The following SLC35F3 variants were observed in gnomAD, a reference collection of about 807,000 sequenced individuals.
SLC35F3 encodes the protein solute carrier family 35 member F3.
SLC35F3 carries 25 observed loss-of-function variants against 49.9 expected under a neutral mutation model. The observed-to-expected ratio is 0.50, with a 90% CI of 0.37 to 0.70. The LOEUF is 0.70. SLC35F3 is among the 30% of genes least tolerant of loss of function. The pLI is 0.00. For missense variants in SLC35F3, 525 were observed against 639.8 expected (o/e 0.82, Z 1.94); for synonymous variants, 275 against 265.4 (o/e 1.04, Z -0.35).
At chr1:234,006,274 G>A (rs1663629570) in intron 2 of SLC35F3, among the ~76,000 whole-genome samples, 2 of 152,096 alleles carry the variant, frequency 1.3e-5, no homozygotes, top group African/African-American at 4.8e-5. Flanking sequence ...TATGAACCAA[G>A]CCACGTAAGT....
intron 2 of SLC35F3, among the ~76,000 whole-genome samples, chr1:234,173,061 A>G (rs1391737213): frequency 6.6e-6 from 1 of 152,180 alleles, no homozygotes; most frequent in Non-Finnish European, 1.5e-5. Context: ...GATTTCACCA[A>G]ACAATCATTT....
At chr1:234,277,500 G>A (rs1047261400) in intron 3 of SLC35F3, among the ~76,000 whole-genome samples, 4 of 152,238 alleles carry the variant, frequency 2.6e-5, no homozygotes, top group Admixed American at 2.6e-4. Context: ...CATCAGTGCT[G>A]CATAGGTAGA....
At chr1:233,982,236 C>T (rs1374912751) in intron 2 of SLC35F3, among the ~76,000 whole-genome samples, 3 of 152,180 alleles carry the variant, frequency 2.0e-5, no homozygotes, top group Non-Finnish European at 4.4e-5. Flanking sequence ...TGATGTTGAA[C>T]ATACTTCTGT....
intron 2 of SLC35F3, among the ~76,000 whole-genome samples, chr1:234,175,407 G>A (rs1666461212): frequency 6.6e-6 from 1 of 152,158 alleles, no homozygotes; most frequent in African/African-American, 2.4e-5. Flanking sequence ...ACCCTTTGAT[G>A]AAGCAAAAGG....
chr1:234,220,550 G>A (rs1040515165), intron 2 of SLC35F3, among the ~76,000 whole-genome samples: 2 of 152,138 alleles, frequency 1.3e-5, no homozygotes, highest in Non-Finnish European at 2.9e-5. Context: ...GGCTCCTAAC[G>A]TAATTCCCAC....
intron 2 of SLC35F3, among the ~76,000 whole-genome samples, chr1:234,044,805 G>T (rs1221734831): frequency 6.6e-6 from 1 of 152,086 alleles, no homozygotes; most frequent in Non-Finnish European, 1.5e-5. Flanking sequence ...CGTAAGTTCT[G>T]ATTTCCAATC....
At chr1:233,928,158 A>G (rs1662189550) in intron 2 of SLC35F3, among the ~76,000 whole-genome samples, 1 of 152,138 alleles carries the variant, frequency 6.6e-6, no homozygotes, top group African/African-American at 2.4e-5. Flanking sequence ...GCCAGCAATA[A>G]ACAATGGGCA....
intron 2 of SLC35F3, among the ~76,000 whole-genome samples, chr1:233,959,818 T>G (rs1436798923): frequency 6.6e-6 from 1 of 152,148 alleles, no homozygotes; most frequent in Non-Finnish European, 1.5e-5. Context: ...TTGAAACCAC[T>G]TTGGAGTCTC....
intron 3 of SLC35F3, among the ~76,000 whole-genome samples, chr1:234,278,776 A>G (rs1229228534): frequency 7.4e-6 from 1 of 134,506 alleles, no homozygotes; most frequent in Non-Finnish European, 1.6e-5. Context: ...CTTATGAGGC[A>G]GAGAGAGCAA....
chr1:234,232,005 AC>A (rs535429224), intron 3 of SLC35F3, among the ~76,000 whole-genome samples: 5 of 152,024 alleles, frequency 3.3e-5, no homozygotes, highest in Non-Finnish European at 7.4e-5. Flanking sequence ...TCTTCCAGAG[AC>A]GGCAAGTAGT....
chr1:234,150,844 G>C (rs867742969), intron 2 of SLC35F3, among the ~76,000 whole-genome samples: 1 of 152,192 alleles, frequency 6.6e-6, no homozygotes, highest in African/African-American at 2.4e-5. Flanking sequence ...GGTGTCTGTG[G>C]GGGAAAGAAA....
At chr1:233,961,194 C>T (rs555844270) in intron 2 of SLC35F3, among the ~76,000 whole-genome samples, 3 of 152,136 alleles carry the variant, frequency 2.0e-5, no homozygotes, top group Non-Finnish European at 4.4e-5. Flanking sequence ...ATATAACCTA[C>T]GAGTATCCGC....
chr1:234,041,331 CCTT>C (rs1419011725), intron 2 of SLC35F3, among the ~76,000 whole-genome samples: 1 of 152,152 alleles, frequency 6.6e-6, no homozygotes, highest in Admixed American at 6.5e-5. Context: ...ACTACGTCCA[CCTT>C]CTGTACATAG....
intron 2 of SLC35F3, among the ~76,000 whole-genome samples, chr1:234,052,207 G>A (rs931119164): frequency 6.6e-6 from 1 of 152,166 alleles, no homozygotes; most frequent in Admixed American, 6.5e-5. Flanking sequence ...AGTTTCAGAA[G>A]GAATGGTACC....
At position 233,999,216 on chromosome 1, in the gene SLC35F3, C is replaced by T. The variant is rs75676136; in HGVS notation, c.283+93458C>T. On this transcript the variant is annotated intron_variant, in intron 2 of 7. Transcript: ENST00000366618. ...AGGTCATCCCACGTTTTTTCCACCG[C>T]GTCCCAATTACCCACTGACTTAGAA... Among the ~76,000 whole-genome samples the T allele has an allele frequency of 4.1e-3, 631 of 152,202 alleles. 11 individuals are homozygous for T. The highest frequency in any genetic ancestry group is 0.037 in the East Asian group (189 of 5,160).
chr1:234,032,124 A>G (rs1477827497), intron 2 of SLC35F3, among the ~76,000 whole-genome samples: 6 of 151,908 alleles, frequency 3.9e-5, no homozygotes, highest in African/African-American at 1.5e-4. Flanking sequence ...GGCATTCTCT[A>G]TTGACTTCGT....
At chr1:234,066,830 C>CCTCACACA (rs1248154393) in intron 2 of SLC35F3, among the ~76,000 whole-genome samples, 14 of 135,218 alleles carry the variant, frequency 1.0e-4, no homozygotes, top group Admixed American at 7.5e-4. Context: ...CCTCTCTCTC[C>CCTCACACA]CACACACACA....
intron 2 of SLC35F3, among the ~76,000 whole-genome samples, chr1:234,166,734 C>T (rs1253156895): frequency 6.6e-6 from 1 of 152,202 alleles, no homozygotes; most frequent in Non-Finnish European, 1.5e-5. Flanking sequence ...GTGCGGATTG[C>T]ACTAAAATTA....
chr1:234,221,359 T>G (rs958962903), intron 2 of SLC35F3, among the ~76,000 whole-genome samples: 1 of 152,076 alleles, frequency 6.6e-6, no homozygotes, highest in Non-Finnish European at 1.5e-5. Context: ...ATGCAACAAT[T>G]AATGCAACGG....
Sources: gnomAD v4.1 joint callset for allele counts (sites outside exome capture counted in the v4.1 genomes callset) on GRCh38, gnomAD v4.1.1 for gene constraint, MANE v1.5 for transcripts, NCBI Gene and HGNC (gene_info 2026-07-23, HGNC 2026-07-21) for gene names.